CDH9: variants seen among roughly 807,000 people sequenced by gnomAD.
The protein encoded by CDH9 is cadherin-9.
A neutral mutation model predicts 70.9 loss-of-function variants in CDH9; 28 were observed. The observed-to-expected ratio is 0.40, with a 90% CI of 0.29 to 0.54. The LOEUF is 0.54. CDH9 is among the 20% of genes least tolerant of loss of function. CDH9 has a pLI of 0.59. For synonymous variants in CDH9, 409 were observed against 343.1 expected (o/e 1.19, Z -2.12); for missense variants, 874 against 984.4 (o/e 0.89, Z 1.50).
chr5:26,966,896 T>A (rs1561022187), intron 2 of CDH9, among the ~76,000 whole-genome samples: 1 of 152,100 alleles, frequency 6.6e-6, no homozygotes, highest in Non-Finnish European at 1.5e-5. Context: ...TTGTGTCTCA[T>A]CTTCTCTCTG....
rs777559375 is a variant in CDH9, at chr5:26,881,456, C to T, written c.2050G>A (p.Glu684Lys). 7 of 1,613,540 alleles carry T rather than the reference C, an allele frequency of 4.3e-6. No homozygotes were observed. The Admixed American group carries it at 1.2e-4, about 27-fold the overall frequency. The change falls in exon 12 of 12, where the codon GAA becomes AAA. Residue 684 changes from glutamate to lysine, a missense_variant. Physicochemically the swap from Glu to Lys is moderately conservative, Grantham distance 56. Transcript: ENST00000231021. ...ACATCCCGTCTAAGTTTACTGTCTT[C>T]TCTTGCCTCTGGATTCCTTAATGTG... is the stretch of plus-strand genomic sequence containing the variant. ...IGTLRNPEAR[E>K]DSKLRRDVMP...
intron 7 of CDH9, among the ~76,000 whole-genome samples, chr5:26,893,188 T>G (rs1358709490): frequency 3.3e-5 from 5 of 152,362 alleles, no homozygotes; most frequent in Admixed American, 6.5e-5. Flanking sequence ...GGTCTGATCA[T>G]AATTTTAACA....
intron 3 of CDH9, among the ~76,000 whole-genome samples, chr5:26,915,381 G>A (rs1741130791): frequency 6.6e-6 from 1 of 151,972 alleles, no homozygotes. Flanking sequence ...AGTTAGTAGA[G>A]TTGAGGGTAT....
chr5:26,905,469 A>G (rs1740929165), intron 5 of CDH9, among the ~76,000 whole-genome samples: 1 of 152,108 alleles, frequency 6.6e-6, no homozygotes, highest in African/African-American at 2.4e-5. Flanking sequence ...ATATCTTTAA[A>G]CTATCAAGAA....
At chr5:26,943,373 C>T (rs560361900) in intron 2 of CDH9, among the ~76,000 whole-genome samples, 7 of 152,024 alleles carry the variant, frequency 4.6e-5, no homozygotes, top group African/African-American at 1.4e-4. Flanking sequence ...ATTAGCCTGA[C>T]GTGGTGGCTT....
chr5:26,985,715 G>A (rs1266006750), intron 2 of CDH9, among the ~76,000 whole-genome samples: 2 of 152,024 alleles, frequency 1.3e-5, no homozygotes, highest in African/African-American at 4.8e-5. Context: ...GGTCCGTGGT[G>A]AATACGACAG....
chr5:26,961,420 T>A (rs1344803564), intron 2 of CDH9, among the ~76,000 whole-genome samples: 1 of 152,118 alleles, frequency 6.6e-6, no homozygotes, highest in Non-Finnish European at 1.5e-5. Flanking sequence ...TCAATGGTTA[T>A]AATTTTTAAA....
chr5:27,018,228 ACATATGGGAAGAG>A (rs1579515781), intron 1 of CDH9, among the ~76,000 whole-genome samples: 1 of 151,900 alleles, frequency 6.6e-6, no homozygotes, highest in African/African-American at 2.4e-5. Flanking sequence ...GCTCCTATTT[ACATATGGGAAGAG>A]AATTTTAAAA....
At chr5:27,006,425 G>A (rs1489690448) in intron 1 of CDH9, among the ~76,000 whole-genome samples, 2 of 152,072 alleles carry the variant, frequency 1.3e-5, no homozygotes, top group Non-Finnish European at 2.9e-5. Flanking sequence ...GAGATCAAGG[G>A]TAGGAGGAGA....
chr5:26,902,660 G>A lies in CDH9; in HGVS notation c.1069C>T (p.Arg357Ter). 7 of 1,581,854 alleles carry A rather than the reference G, an allele frequency of 4.4e-6. No homozygotes were observed. Among genetic ancestry groups the A allele is most frequent in the East Asian group, 2.2e-5 (1 of 44,630 alleles). ...TTGAAAGGTCCCAGGTGTAAGAATC[G>A]TGGATCAGGGTGAGTGTTACTTGCA... ...VDASNTHPDP[R>*]FLHLGPFKDT... Residue 357 changes from arginine to a stop codon, truncating the protein, a stop_gained, in exon 7 of 12, where the codon CGA (arginine) becomes TGA (stop). Coordinates refer to ENST00000231021, the MANE Select transcript of CDH9 (RefSeq NM_016279.4). LOFTEE classifies it high-confidence loss of function.
At chr5:26,941,458 T>C (rs1561202749) in intron 2 of CDH9, among the ~76,000 whole-genome samples, 1 of 152,192 alleles carries the variant, frequency 6.6e-6, no homozygotes, top group Admixed American at 6.5e-5. Context: ...TGTCATCCCA[T>C]ACAGATTTTT....
At chr5:26,904,309 C>A (rs1311839605) in intron 5 of CDH9, among the ~76,000 whole-genome samples, 2 of 151,150 alleles carry the variant, frequency 1.3e-5, no homozygotes, top group East Asian at 3.9e-4. Flanking sequence ...GTTTTAATAT[C>A]TTTTAGTGGG....
At chr5:26,933,116 T>G (rs1044421523) in intron 2 of CDH9, among the ~76,000 whole-genome samples, 1 of 147,412 alleles carries the variant, frequency 6.8e-6, no homozygotes, top group South Asian at 2.1e-4. Flanking sequence ...AATATAATTT[T>G]AAAAATATAA....
rs188904687 is a variant in CDH9, at chr5:26,911,307, T to C, written c.523+4323A>G. ...ACTAGGTCAAAGTCCATTATAAATA[T>C]ATTTGGTCAAGAATTTTCTTTATAA... On this transcript the variant is annotated intron_variant, in intron 3 of 11. Transcript: ENST00000231021. 3.1e-3 allele frequency among the ~76,000 whole-genome samples: 478 copies of C among 152,300 alleles called. 1 individual carries two copies. The highest frequency in any genetic ancestry group is 0.011 in the African/African-American group (461 of 41,578).
chr5:26,970,577 A>G (rs1416577929), intron 2 of CDH9, among the ~76,000 whole-genome samples: 2 of 152,074 alleles, frequency 1.3e-5, no homozygotes, highest in African/African-American at 4.8e-5. Context: ...TATTTAGCTG[A>G]CTTGTTAACC....
chr5:26,970,113 G>T, intron 2 of CDH9, among the ~76,000 whole-genome samples: 1 of 150,790 alleles, frequency 6.6e-6, no homozygotes, highest in Non-Finnish European at 1.5e-5. Flanking sequence ...TAAATAAATG[G>T]TGTAATTAAG....
In CDH9 at chr5:27,019,125, G is replaced by A. The variant is rs556111821; in HGVS notation, c.-50+19338C>T. On this transcript the variant is annotated intron_variant, in intron 1 of 11. Coordinates refer to ENST00000231021, the MANE Select transcript of CDH9 (RefSeq NM_016279.4). ...GTAGTAACAGGTGAAATTCAGAATTGAAATAATTGGTGAAGTAGACTCAAT... is the reference window on the plus strand; with the variant it reads ...GTAGTAACAGGTGAAATTCAGAATTAAAATAATTGGTGAAGTAGACTCAAT... Among the ~76,000 whole-genome samples, 9 of 152,074 alleles carry A rather than the reference G, an allele frequency of 5.9e-5. No homozygotes were observed. The South Asian group carries it at 1.9e-3, about 31-fold the overall frequency.
chr5:26,971,756 T>A (rs1386464038), intron 2 of CDH9, among the ~76,000 whole-genome samples: 5 of 134,100 alleles, frequency 3.7e-5, no homozygotes, highest in Non-Finnish European at 8.4e-5. Flanking sequence ...TGCACACAAG[T>A]GCATTAAAAT....
intron 2 of CDH9, among the ~76,000 whole-genome samples, chr5:26,935,309 C>T (rs1579461152): frequency 1.3e-5 from 2 of 152,074 alleles, no homozygotes; most frequent in African/African-American, 4.8e-5. Flanking sequence ...AGATGCTTTA[C>T]CCCTAACATG....
Sources: gnomAD v4.1 joint callset for allele counts (sites outside exome capture counted in the v4.1 genomes callset) on GRCh38, gnomAD v4.1.1 for gene constraint, MANE v1.5 for transcripts, NCBI Gene and HGNC (gene_info 2026-07-23, HGNC 2026-07-21) for gene names.